CELF2: variants seen among roughly 807,000 people sequenced by gnomAD.
CELF2 encodes CUG triplet repeat RNA-binding protein 2.
CELF2 carries 8 observed loss-of-function variants against 62.6 expected under a neutral mutation model. The observed-to-expected ratio is 0.13, with a 90% confidence interval of 0.07 to 0.23. The LOEUF is 0.23. Among genes scored for constraint, CELF2 ranks in the 10% least tolerant of loss-of-function variants. CELF2 has a pLI of 1.00. For synonymous variants in CELF2, 258 were observed against 250.0 expected (o/e 1.03, Z -0.30); for missense variants, 333 against 671.0 (o/e 0.50, Z 5.56).
At chr10:10,777,337 A>ACTTC in the CELF2 span, among the ~76,000 whole-genome samples, 1 of 152,088 alleles carries the variant, frequency 6.6e-6, no homozygotes, top group African/African-American at 2.4e-5. Flanking sequence ...TTCAGCAAAT[A>ACTTC]CTTCCTAGAC....
the CELF2 span, among the ~76,000 whole-genome samples, chr10:10,538,147 G>A: frequency 6.6e-6 from 1 of 152,112 alleles, no homozygotes; most frequent in Non-Finnish European, 1.5e-5. Flanking sequence ...TGCTAGTAGG[G>A]GTGCCCTGAC....
chr10:10,469,965 T>C, the CELF2 span, among the ~76,000 whole-genome samples: 13 of 151,924 alleles, frequency 8.6e-5, no homozygotes, highest in African/African-American at 3.1e-4. Flanking sequence ...AAATCCAAAA[T>C]GCTCTGAAAT....
the CELF2 span, among the ~76,000 whole-genome samples, chr10:10,716,527 C>A: frequency 6.6e-6 from 1 of 152,128 alleles, no homozygotes; most frequent in Non-Finnish European, 1.5e-5. Context: ...GGTGATAAAG[C>A]AAGACTCAGT....
At position 11,321,245 on chromosome 10, in the gene CELF2, T is replaced by G. The variant is rs2095423805; in HGVS notation, c.1153T>G (p.Leu385Val). Residue 385 changes from leucine (L) to valine (V), a missense_variant, in exon 11 of 13, where the codon TTG becomes GTG. Physicochemically the swap from Leu to Val is conservative, Grantham distance 32. Transcript: ENST00000633077. This position sits in a 1 kb window ranked among gnomAD's most constrained non-coding sequence, Gnocchi z 6.2. ...GAATGGAGGACTTGGCGCCACAGGCTTGACGAATGGCACGGCTGGCACCAT... is the reference window on the plus strand; with the variant it reads ...GAATGGAGGACTTGGCGCCACAGGCGTGACGAATGGCACGGCTGGCACCAT... ...ALNGGLGATG[L>V]TNGTAGTMDA... The G allele has an allele frequency of 1.2e-6, 2 of 1,613,998 alleles. No homozygotes were observed. The highest frequency in any genetic ancestry group is 1.7e-6 in the Non-Finnish European group (2 of 1,180,028).
the CELF2 span, among the ~76,000 whole-genome samples, chr10:10,536,137 A>G: frequency 6.6e-6 from 1 of 151,236 alleles, no homozygotes; most frequent in African/African-American, 2.4e-5. Context: ...CTACTGCCTC[A>G]GCCTCCTGAG....
At chr10:11,087,244 A>C (rs2047068492) in intron 1 of CELF2, among the ~76,000 whole-genome samples, 1 of 152,214 alleles carries the variant, frequency 6.6e-6, no homozygotes, top group Non-Finnish European at 1.5e-5. Flanking sequence ...CCCAAACTGA[A>C]TGAACAATGT....
chr10:10,779,394 C>T, the CELF2 span, among the ~76,000 whole-genome samples: 379 of 152,280 alleles, frequency 2.5e-3, 1 homozygote, highest in African/African-American at 8.8e-3. Context: ...AAGCCAGGGC[C>T]GGATCAGAGG....
the CELF2 span, among the ~76,000 whole-genome samples, chr10:10,739,430 C>A: frequency 6.6e-6 from 1 of 152,074 alleles, no homozygotes; most frequent in African/African-American, 2.4e-5. Context: ...ACCATATATA[C>A]CATTTTTGGG....
chr10:10,463,817 C>T, the CELF2 span, among the ~76,000 whole-genome samples: 4 of 152,042 alleles, frequency 2.6e-5, no homozygotes, highest in Admixed American at 1.3e-4. Context: ...ATTTTGCTTT[C>T]GCCCCATTGT....
intron 2 of CELF2, among the ~76,000 whole-genome samples, chr10:11,202,933 CTCTCTCTCTCTCTCTCTCTGTGTGTGTG>C (rs2059575490): frequency 1.2e-5 from 1 of 85,796 alleles, no homozygotes; most frequent in African/African-American, 4.6e-5. Flanking sequence ...CTCTCTCTCT[CTCTCTCTCTCTCTCTCTCTGTGTGTGTG>C]TGTGTGTGTG....
intron 1 of CELF2, among the ~76,000 whole-genome samples, chr10:10,819,975 G>A (rs879544479): frequency 2.0e-5 from 3 of 152,210 alleles, no homozygotes; most frequent in East Asian, 1.9e-4. Flanking sequence ...CACAGTTCCC[G>A]TGTGTTGTGG....
At chr10:10,890,642 G>C (rs2062068012) in intron 1 of CELF2, among the ~76,000 whole-genome samples, 1 of 152,210 alleles carries the variant, frequency 6.6e-6, no homozygotes. Context: ...GGTGAAGCTG[G>C]TTTTAGTTGT....
chr10:11,138,066 C>A (rs2060720888), intron 1 of CELF2, among the ~76,000 whole-genome samples: 1 of 152,072 alleles, frequency 6.6e-6, no homozygotes, highest in Admixed American at 6.5e-5. Flanking sequence ...GGAATATAGA[C>A]CTAATTAATT....
chr10:10,499,613 C>T, the CELF2 span, among the ~76,000 whole-genome samples: 1 of 152,114 alleles, frequency 6.6e-6, no homozygotes, highest in African/African-American at 2.4e-5. Flanking sequence ...GGCACAGTGA[C>T]TCAGGCCTGT....
intron 1 of CELF2, among the ~76,000 whole-genome samples, chr10:10,833,599 G>A (rs147196738): frequency 1.7e-3 from 262 of 152,336 alleles, no homozygotes; most frequent in Non-Finnish European, 3.0e-3. Flanking sequence ...GATGCGAACA[G>A]TGCGTGCACA....
chr10:10,480,317 G>A, the CELF2 span, among the ~76,000 whole-genome samples: 1 of 152,138 alleles, frequency 6.6e-6, no homozygotes, highest in Admixed American at 6.5e-5. Context: ...TGAAGCAGTG[G>A]ATCCCCCTTA....
At chr10:10,608,085 G>T in the CELF2 span, among the ~76,000 whole-genome samples, 26 of 152,112 alleles carry the variant, frequency 1.7e-4, no homozygotes, top group African/African-American at 6.3e-4. Context: ...CTGAAATAGC[G>T]CCATTGTACT....
At chr10:10,792,629 G>T in the CELF2 span, 1 of 391,094 alleles carries the variant, frequency 2.6e-6, no homozygotes, top group Non-Finnish European at 4.5e-6. Context: ...TGATTCCCTG[G>T]TCTATGATAT....
chr10:11,253,109 C>A (rs184258216), intron 4 of CELF2, among the ~76,000 whole-genome samples: 2 of 152,280 alleles, frequency 1.3e-5, no homozygotes, highest in East Asian at 3.9e-4. Context: ...GAAGCTGCTT[C>A]GGTTCTGGGT....
Sources: allele counts gnomAD v4.1 joint callset (sites outside exome capture counted in the v4.1 genomes callset), GRCh38; gene constraint gnomAD v4.1.1; non-coding constraint Gnocchi (gnomAD v3.1); transcripts MANE v1.5; gene names NCBI Gene and HGNC (gene_info 2026-07-23, HGNC 2026-07-21).